The following LMF1 variants were observed in gnomAD, a reference collection of about 807,000 sequenced individuals.
LMF1 encodes the protein lipase maturation factor 1.
LMF1 carries 68 observed loss-of-function variants against 60.6 expected under a neutral mutation model. The ratio of observed to expected loss-of-function variants is 1.12; its 90% CI spans 0.92 to 1.37. LMF1 has a LOEUF of 1.37. Among genes scored for constraint, LMF1 ranks in the 40% most tolerant of loss-of-function variants. The probability of loss-of-function intolerance (pLI) is 0.00; values close to 1 mark genes in which losing one functional copy is unlikely to be tolerated. For synonymous variants in LMF1, 418 were observed against 324.7 expected, an observed-to-expected ratio of 1.29 and a Z score of -3.09; for missense variants, 948 against 767.2, an observed-to-expected ratio of 1.24 and a Z score of -2.78.
chr16:942,995 G>C (rs969800238), intron 2 of LMF1, among the ~76,000 whole-genome samples: 1 of 152,344 alleles, frequency 6.6e-6, no homozygotes, highest in African/African-American at 2.4e-5. Flanking sequence ...CCTCCAACCT[G>C]TTATTAAGCC....
intron 5 of LMF1, among the ~76,000 whole-genome samples, chr16:891,805 G>A (rs954016970): frequency 1.3e-5 from 2 of 152,234 alleles, no homozygotes; most frequent in African/African-American, 4.8e-5. Context: ...GGGCTGCGGT[G>A]TGCACAGCTT....
chr16:864,092 GTTCT>G (rs2069544252), intron 10 of LMF1, among the ~76,000 whole-genome samples: 1 of 152,144 alleles, frequency 6.6e-6, no homozygotes, highest in African/African-American at 2.4e-5. Flanking sequence ...TCTCCTTTCA[GTTCT>G]TTTTCTTCAC....
chr16:931,761 C>G lies in LMF1; in HGVS notation c.514+2483G>C, dbSNP rs371682058. On this transcript the variant is annotated intron_variant, in intron 3 of 10. Transcript: ENST00000262301. ...AAGCTACTACGAGTCTTCTGAATTT[C>G]TGCGCGACAGTCCAAAGTGACGTGC... 247 of 1,287,224 alleles carry G rather than the reference C, an allele frequency of 1.9e-4. 5 individuals are homozygous for G. In the South Asian group the frequency reaches 2.8e-3, roughly 15 times the overall value. The allele number at this position is 1,287,224 out of a possible 1,614,324, so 79.7% of individuals were successfully genotyped here.
rs113750251 is a variant in LMF1, at chr16:954,757, C to T, written c.194-91G>A. On this transcript the variant is annotated intron_variant, in intron 1 of 10. Transcript: ENST00000262301. ...AGCTCAGAATGCGGGGCGAGGCAGGCGGGAAGGGGAGGCAGAGTCTGGCTG... is the reference window on the plus strand; with the variant it reads ...AGCTCAGAATGCGGGGCGAGGCAGGTGGGAAGGGGAGGCAGAGTCTGGCTG... The T allele has an allele frequency of 0.096, 120,200 of 1,246,002 alleles. 6,296 individuals are homozygous for T. The highest frequency in any genetic ancestry group is 0.14 in the South Asian group (9,625 of 66,676). 77.2% of individuals were successfully genotyped at this position (1,246,002 alleles called of 1,614,324 possible). A position where few individuals can be genotyped will look rare whatever the true frequency, so the allele number is the denominator to read the frequency against.
intron 2 of LMF1, among the ~76,000 whole-genome samples, chr16:942,292 A>G (rs1237788345): frequency 1.3e-5 from 2 of 152,184 alleles, no homozygotes; most frequent in Non-Finnish European, 2.9e-5. Context: ...TTATTCTTTG[A>G]GTGTAACGTC....
chr16:857,206 A>T (rs1407542634), intron 10 of LMF1, among the ~76,000 whole-genome samples: 1 of 152,174 alleles, frequency 6.6e-6, no homozygotes, highest in East Asian at 1.9e-4. Context: ...TTTGTCTGTG[A>T]CGGCTGCCGT....
At chr16:916,984 C>G (rs796729384) in intron 3 of LMF1, among the ~76,000 whole-genome samples, 15 of 152,346 alleles carry the variant, frequency 9.8e-5, no homozygotes, top group African/African-American at 2.9e-4. Context: ...GGCTATTTCT[C>G]TGCGCAGCGA....
intron 9 of LMF1, chr16:869,414 C>T: frequency 3.5e-6 from 2 of 564,862 alleles, no homozygotes; most frequent in Non-Finnish European, 6.7e-6. Context: ...GCCTCTGCTA[C>T]CCCCAGCCCT....
intron 3 of LMF1, among the ~76,000 whole-genome samples, chr16:920,074 A>G (rs920532619): frequency 6.8e-6 from 1 of 147,714 alleles, no homozygotes; most frequent in Non-Finnish European, 1.5e-5. Context: ...GACATCCACA[A>G]TGGCCCCAGC....
chr16:967,464 C>T (rs981094487), intron 1 of LMF1, among the ~76,000 whole-genome samples: 1 of 152,222 alleles, frequency 6.6e-6, no homozygotes, highest in African/African-American at 2.4e-5. Context: ...ACACAGACAG[C>T]AGCAGGCCTG....
chr16:898,127 G>A (rs1051597066), intron 4 of LMF1, among the ~76,000 whole-genome samples: 12 of 152,236 alleles, frequency 7.9e-5, no homozygotes, highest in African/African-American at 1.2e-4. Context: ...CAGGTCCCCC[G>A]TGGCTTCACA....
At chr16:856,190 C>T (rs2069179705) in intron 10 of LMF1, 1 of 349,918 alleles carries the variant, frequency 2.9e-6, no homozygotes, top group South Asian at 2.2e-5. Flanking sequence ...CTGCCCACTG[C>T]CCTGGGCCCC....
At chr16:964,088 GC>G (rs2072873429) in intron 1 of LMF1, 2 of 455,854 alleles carry the variant, frequency 4.4e-6, no homozygotes, top group African/African-American at 2.0e-5. Flanking sequence ...ATACCGTGTC[GC>G]CCGAGCAGCC....
rs1438828445 is a variant in LMF1, at chr16:878,652, G to C, written c.897+918C>G. Among the ~76,000 whole-genome samples the C allele has an allele frequency of 6.6e-6, 1 of 151,584 alleles. No homozygotes were observed. Among genetic ancestry groups the C allele is most frequent in the East Asian group, 1.9e-4 (1 of 5,148 alleles). ...CCAACAACCATGGGCGCCCCCACGT[G>C]CACCAACGTGGCGTGGCACCCGTGC... On this transcript the variant is annotated intron_variant, in intron 6 of 10. Transcript: ENST00000262301. The surrounding 1 kb of genome is among the most constrained non-coding windows in gnomAD (Gnocchi z 5.2).
chr16:854,372 C>A lies in LMF1; in HGVS notation c.*160G>T. ...GCCTGGGAGCCGCCACAGTATGTGA[C>A]AACAGACCCCACCCTGGACCCCCGT... On this transcript the variant is annotated 3_prime_UTR_variant, in exon 11 of 11. Coordinates refer to ENST00000262301, the MANE Select transcript of LMF1 (RefSeq NM_022773.4). 1.2e-6 allele frequency: 1 copy of A among 820,296 alleles called. No individual in the cohort carries two copies. Among genetic ancestry groups the A allele is most frequent in the Non-Finnish European group, 2.0e-6 (1 of 499,352 alleles). The allele number at this position is 820,296 out of a possible 1,614,324, so 50.8% of individuals were successfully genotyped here. A position where few individuals can be genotyped will look rare whatever the true frequency, so the allele number is the denominator to read the frequency against.
intron 6 of LMF1, among the ~76,000 whole-genome samples, chr16:875,723 C>T (rs977077287): frequency 6.6e-6 from 1 of 152,128 alleles, no homozygotes; most frequent in Non-Finnish European, 1.5e-5. Context: ...GCTGTGTGTC[C>T]AGGGGTGCCC....
intron 5 of LMF1, 121 bp from the exon 6 acceptor site, chr16:879,858 C>T: frequency 2.0e-6 from 2 of 980,490 alleles, no homozygotes; most frequent in Non-Finnish European, 3.0e-6. Flanking sequence ...TCCCCCCGGC[C>T]CGCCTGGCCC....
chr16:861,506 C>T (rs1435700361), intron 10 of LMF1, among the ~76,000 whole-genome samples: 2 of 151,918 alleles, frequency 1.3e-5, no homozygotes, highest in African/African-American at 2.4e-5. Flanking sequence ...TACAGGCATG[C>T]GTCACCACAC....
chr16:934,647 T>C (rs1314100722), intron 2 of LMF1, among the ~76,000 whole-genome samples: 1 of 152,196 alleles, frequency 6.6e-6, no homozygotes, highest in East Asian at 1.9e-4. Flanking sequence ...AGAAAAGGGA[T>C]CTTAAATGAA....
Sources: allele counts gnomAD v4.1 joint callset (sites outside exome capture counted in the v4.1 genomes callset), GRCh38; gene constraint gnomAD v4.1.1; non-coding constraint Gnocchi (gnomAD v3.1); transcripts MANE v1.5; gene names NCBI Gene and HGNC (gene_info 2026-07-23, HGNC 2026-07-21).